The following HEXA variants were observed in gnomAD, a reference collection of about 807,000 sequenced individuals.
HEXA encodes hexosaminidase subunit alpha.
In HEXA, 54 loss-of-function variants were observed where a neutral mutation model predicts 73.3. The ratio of observed to expected loss-of-function variants is 0.74; its 90% CI spans 0.59 to 0.92. The LOEUF (loss-of-function observed/expected upper bound fraction) is 0.92. Among genes scored for constraint, HEXA ranks in the 40% least tolerant of loss-of-function variants. The pLI is 0.00. For synonymous variants in HEXA, 230 were observed against 246.9 expected (o/e 0.93, Z 0.64); for missense variants, 649 against 653.0 (o/e 0.99, Z 0.07).
In HEXA at chr15:72,345,556, G is replaced by A; in HGVS notation, c.1422-6C>T. The A allele has an allele frequency of 6.2e-7, 1 of 1,614,110 alleles. No homozygotes were observed. The highest frequency in any genetic ancestry group is 8.5e-7 in the Non-Finnish European group (1 of 1,180,014). On this transcript the variant is annotated splice_polypyrimidine_tract_variant and splice_region_variant and intron_variant, in intron 12 of 13. Coordinates refer to ENST00000268097, the MANE Select transcript of HEXA (RefSeq NM_000520.6). Reference sequence around the variant, plus strand: ...CAACAGCCCCTGCTCTGGGCCTGGAGGAAAAGGGGCATGTGCCAGATTGGG... The same window carrying A: ...CAACAGCCCCTGCTCTGGGCCTGGAAGAAAAGGGGCATGTGCCAGATTGGG...
Position 72,342,358 on chromosome 15 carries a change from G to C in HEXA, c.*1719C>G, listed in dbSNP as rs913041332. On this transcript the variant is annotated 3_prime_UTR_variant, in exon 14 of 14. Coordinates refer to ENST00000268097, the MANE Select transcript of HEXA (RefSeq NM_000520.6). Reference sequence around the variant, plus strand: ...GGCTGAAGGATGGTGTTGAAGGACCGAGTTTTACTCAGATCCTTCTCAGCC... The same window carrying C: ...GGCTGAAGGATGGTGTTGAAGGACCCAGTTTTACTCAGATCCTTCTCAGCC... 6.6e-6 allele frequency: 1 copy of C among 152,150 alleles called. No homozygotes were observed. Among genetic ancestry groups the C allele is most frequent in the African/African-American group, 2.4e-5 (1 of 41,400 alleles). 9.4% of individuals were successfully genotyped at this position (152,150 alleles called of 1,614,324 possible). A position where few individuals can be genotyped will look rare whatever the true frequency, so the allele number is the denominator to read the frequency against.
chr15:72,345,023 GCA>G (rs1254529531), intron 13 of HEXA, among the ~76,000 whole-genome samples: 5 of 152,328 alleles, frequency 3.3e-5, no homozygotes, highest in Admixed American at 1.3e-4. Context: ...AACAAACTTA[GCA>G]CAGTGTTTGC....
Position 72,355,600 on chromosome 15 carries a change from TG to T in HEXA, c.370del (p.Gln124SerfsTer75). On this transcript the variant is annotated frameshift_variant, in exon 3 of 14. Coordinates refer to ENST00000268097, the MANE Select transcript of HEXA (RefSeq NM_000520.6). LOFTEE classifies it high-confidence loss of function. ...ENYTLTINDD[Q>X]CLLLSETVWG... ...GACAGTCTCAGAGAGGAGTAAACAC[TG>T]GTCATCATTTATGGTCAGGGTATCT... is the stretch of plus-strand genomic sequence containing the variant. 6.2e-7 allele frequency: 1 copy of T among 1,611,536 alleles called. No homozygotes were observed. The highest frequency in any genetic ancestry group is 8.5e-7 in the Non-Finnish European group (1 of 1,177,676).
At chr15:72,353,323 C>G in intron 4 of HEXA, 145 bp from the exon 5 acceptor site, 1 of 701,436 alleles carries the variant, frequency 1.4e-6, no homozygotes. Context: ...TGCTCCCCAC[C>G]TCTATAAATG....
chr15:72,346,601 G>C lies in HEXA; in HGVS notation c.1256C>G (p.Pro419Arg), dbSNP rs772431056. The part of the protein sequence containing the change: ...KAGFRALLSA[P>R]WYLNRISYGP... Reference sequence around the variant, plus strand: ...ATAGGATATACGGTTCAGGTACCAGGGGGCAGAGAGAAGGGCCCGGAAGCC... The same window carrying C: ...ATAGGATATACGGTTCAGGTACCAGCGGGCAGAGAGAAGGGCCCGGAAGCC... Residue 419 changes from proline (P) to arginine (R), a missense_variant, in exon 11 of 14, where the codon CCC becomes CGC. Coordinates refer to ENST00000268097, the MANE Select transcript of HEXA (RefSeq NM_000520.6). The C allele has an allele frequency of 3.7e-6, 6 of 1,614,118 alleles. No homozygotes were observed. In the Admixed American group the frequency reaches 1.0e-4, roughly 27 times the overall value.
rs11299619 is a variant in HEXA, at chr15:72,371,591, GAAAAAAA to G, written c.253+4122_253+4128del. On this transcript the variant is annotated intron_variant, in intron 1 of 13. Coordinates refer to ENST00000268097, the MANE Select transcript of HEXA (RefSeq NM_000520.6). ...ACAAAATAAGACCCTGTCTCTAAAA[GAAAAAAA>G]AAAAAAAAAAAAAAAGAAAACAAAA... Among the ~76,000 whole-genome samples the G allele has an allele frequency of 4.4e-3, 541 of 121,948 alleles. 4 individuals carry two copies. The highest frequency in any genetic ancestry group is 0.02 in the African/African-American group (520 of 26,012). The allele number at this position is 121,948 out of a possible 152,430, so 80.0% of individuals were successfully genotyped here.
intron 1 of HEXA, among the ~76,000 whole-genome samples, chr15:72,375,269 T>G (rs2089046629): frequency 6.6e-6 from 1 of 152,142 alleles, no homozygotes; most frequent in South Asian, 2.1e-4. Context: ...TTTGTGTTTT[T>G]GGTAGAGACG....
intron 12 of HEXA, chr15:72,345,782 A>G: frequency 1.6e-6 from 1 of 613,560 alleles, no homozygotes; most frequent in Non-Finnish European, 2.9e-6. Context: ...CCTCTCTCAA[A>G]GATATGGGAA....
chr15:72,345,694 C>CTCATAA, intron 12 of HEXA, 144 bp from the exon 13 acceptor site: 5 of 1,420,252 alleles, frequency 3.5e-6, no homozygotes, highest in Non-Finnish European at 4.8e-6. Context: ...TGAGCCACAG[C>CTCATAA]CAGGTTGGAT....
At chr15:72,348,782 CAG>C (rs1432380433) in intron 8 of HEXA, among the ~76,000 whole-genome samples, 3 of 152,200 alleles carry the variant, frequency 2.0e-5, no homozygotes, top group Non-Finnish European at 4.4e-5. Context: ...CCTTCATAAA[CAG>C]GGATTATTTT....
chr15:72,353,762 T>C (rs777237711), intron 3 of HEXA, 25 bp from the exon 4 acceptor site: 7 of 1,571,982 alleles, frequency 4.5e-6, no homozygotes, highest in Non-Finnish European at 5.3e-6. Context: ...AGAGGCAGAG[T>C]AAAGACTCAG....
chr15:72,366,989 G>T (rs1228909338), intron 1 of HEXA, among the ~76,000 whole-genome samples: 1 of 151,778 alleles, frequency 6.6e-6, no homozygotes, highest in Non-Finnish European at 1.5e-5. Flanking sequence ...TGTTGCCCAG[G>T]CTGGAGTGCA....
intron 1 of HEXA, among the ~76,000 whole-genome samples, chr15:72,361,564 T>G (rs1039351284): frequency 6.6e-6 from 1 of 152,084 alleles, no homozygotes; most frequent in Non-Finnish European, 1.5e-5. Flanking sequence ...AACATAAAAC[T>G]AATCTAACTC....
chr15:72,375,820 G>A lies in HEXA; in HGVS notation c.153C>T (p.Ser51=). 2 of 1,614,272 alleles carry A rather than the reference G, an allele frequency of 1.2e-6. No homozygotes were observed. The highest frequency in any genetic ancestry group is 1.7e-6 in the Non-Finnish European group (2 of 1,180,044). Residue 51 remains serine, a synonymous_variant, in exon 1 of 14, where the codon AGC becomes AGT. Coordinates refer to ENST00000268097, the MANE Select transcript of HEXA (RefSeq NM_000520.6). The part of the protein sequence containing the change: ...PNNFQFQYDV[S]SAAQPGCSVL... ...CTGAGCAGCCGGGCTGCGCGGCCGA[G>A]CTGACATCGTACTGGAATTGAAAGT...
intron 13 of HEXA, among the ~76,000 whole-genome samples, chr15:72,345,058 G>A (rs923723129): frequency 9.2e-5 from 14 of 152,180 alleles, no homozygotes; most frequent in Admixed American, 5.9e-4. Context: ...TTGTCCCTCA[G>A]TATCCACAGG....
At chr15:72,370,755 T>C (rs949569903) in intron 1 of HEXA, 1 of 394,136 alleles carries the variant, frequency 2.5e-6, no homozygotes, top group Non-Finnish European at 4.5e-6. Flanking sequence ...GAGAGGCTGG[T>C]GGAAGACTGC....
intron 1 of HEXA, among the ~76,000 whole-genome samples, chr15:72,363,395 C>T (rs2088876720): frequency 6.6e-6 from 1 of 152,164 alleles, no homozygotes; most frequent in South Asian, 2.1e-4. Flanking sequence ...TGAAGGGGAC[C>T]TCTGAGTGGG....
intron 1 of HEXA, among the ~76,000 whole-genome samples, chr15:72,365,452 T>C (rs16956826): frequency 0.043 from 6,537 of 152,292 alleles, 383 homozygotes; most frequent in African/African-American, 0.13. Flanking sequence ...TGCAAATATC[T>C]GCCTCATTTT....
intron 10 of HEXA, 88 bp from the exon 11 acceptor site, chr15:72,346,798 G>T: frequency 8.3e-7 from 1 of 1,210,278 alleles, no homozygotes; most frequent in Non-Finnish European, 1.2e-6. Flanking sequence ...GGGACAACAG[G>T]TATGTGCTCC....
Sources: gnomAD v4.1 joint callset for allele counts (sites outside exome capture counted in the v4.1 genomes callset) on GRCh38, gnomAD v4.1.1 for gene constraint, MANE v1.5 for transcripts, NCBI Gene and HGNC (gene_info 2026-07-23, HGNC 2026-07-21) for gene names.